ARID1B: variants seen among roughly 807,000 people sequenced by gnomAD.
The protein encoded by ARID1B is AT-rich interaction domain 1B, also known as AT-rich interactive domain-containing protein 1B.
ARID1B carries 30 observed loss-of-function variants against 212.3 expected under a neutral mutation model. That is an observed-to-expected ratio of 0.14 (90% CI 0.11 to 0.19). The LOEUF (loss-of-function observed/expected upper bound fraction) is 0.19. Among genes scored for constraint, ARID1B ranks in the 10% least tolerant of loss-of-function variants. The pLI, the probability that ARID1B is intolerant of heterozygous loss-of-function variation, is 1.00. For missense variants in ARID1B, 2,891 were observed against 3,204.0 expected, an observed-to-expected ratio of 0.90 and a Z score of 2.36; for synonymous variants, 1,402 against 1,301.7, an observed-to-expected ratio of 1.08 and a Z score of -1.66.
At chr6:156,948,569 T>G (rs1007554376) in intron 4 of ARID1B, among the ~76,000 whole-genome samples, 2 of 152,228 alleles carry the variant, frequency 1.3e-5, no homozygotes, top group Admixed American at 6.5e-5. Context: ...TATGCCTTTC[T>G]TTAGCCAGCA....
intron 8 of ARID1B, chr6:157,150,875 C>T: frequency 5.6e-6 from 1 of 178,566 alleles, no homozygotes; most frequent in East Asian, 9.3e-5. Context: ...CACACCCCGA[C>T]TTGCTGCGGG....
At chr6:157,101,214 C>G (rs1194646890) in intron 5 of ARID1B, among the ~76,000 whole-genome samples, 2 of 152,148 alleles carry the variant, frequency 1.3e-5, no homozygotes, top group Admixed American at 6.5e-5. Flanking sequence ...ATGACACCAC[C>G]AAGAATTCTT....
chr6:156,779,145 G>T lies in ARID1B; in HGVS notation c.1465G>T (p.Ala489Ser). Residue 489 changes from alanine to serine, a missense_variant, in exon 1 of 20, where the codon GCC becomes TCC. By Grantham distance (99) the Ala-to-Ser change is moderately conservative (BLOSUM62 1). This residue lies in a region of ARID1B where 1,643 missense variants were observed against 1,544.0 expected (regional missense o/e 1.06). Coordinates refer to ENST00000636930, the MANE Select transcript of ARID1B (RefSeq NM_001374828.1). ...GSAAGGFQRF[A>S]GQNQHPSGAT... is the part of the protein sequence containing the mutation. ...GGCGGCGGGGGGCTTCCAGCGCTTCGCCGGCCAGAACCAGCACCCGTCGGG... is the reference window on the plus strand; with the variant it reads ...GGCGGCGGGGGGCTTCCAGCGCTTCTCCGGCCAGAACCAGCACCCGTCGGG... The T allele has an allele frequency of 1.6e-6, 2 of 1,278,712 alleles. No individual in the cohort carries two copies. Among genetic ancestry groups the T allele is most frequent in the South Asian group, 2.3e-5 (1 of 44,286 alleles). 79.2% of individuals were successfully genotyped at this position (1,278,712 alleles called of 1,614,324 possible). A position where few individuals can be genotyped will look rare whatever the true frequency, so the allele number is the denominator to read the frequency against.
intron 8 of ARID1B, chr6:157,149,186 G>A (rs968353062): frequency 4.3e-5 from 23 of 536,662 alleles, no homozygotes; most frequent in Non-Finnish European, 6.3e-5. Context: ...CACATCAGTC[G>A]TGGGAGGTGA....
chr6:157,040,449 A>G (rs1313161449), intron 4 of ARID1B, among the ~76,000 whole-genome samples: 1 of 152,156 alleles, frequency 6.6e-6, no homozygotes, highest in Admixed American at 6.5e-5. Context: ...CGCTCCTTTT[A>G]GTGATGATCT....
intron 1 of ARID1B, among the ~76,000 whole-genome samples, chr6:156,781,059 T>G (rs1325782069): frequency 6.6e-6 from 1 of 152,196 alleles, no homozygotes; most frequent in African/African-American, 2.4e-5. Context: ...TAAACAAGAT[T>G]TAAGCTTCAT....
At chr6:157,197,849 A>G (rs371612474) in intron 16 of ARID1B, among the ~76,000 whole-genome samples, 1 of 152,308 alleles carries the variant, frequency 6.6e-6, no homozygotes, top group East Asian at 1.9e-4. Context: ...CTTAAATTTT[A>G]CCCATGTCAA....
intron 2 of ARID1B, among the ~76,000 whole-genome samples, chr6:156,898,766 G>C (rs756383206): frequency 3.3e-5 from 5 of 152,190 alleles, no homozygotes; most frequent in Admixed American, 6.5e-5. Flanking sequence ...GAGGTCGGGA[G>C]TTTGAGACCA....
intron 1 of ARID1B, chr6:156,780,400 A>T (rs1230752221): frequency 1.3e-5 from 2 of 152,182 alleles, no homozygotes; most frequent in African/African-American, 2.4e-5. Context: ...CGCTGTTAGG[A>T]AGTGTCCTGC....
chr6:157,058,447 TA>T (rs1021023900), intron 4 of ARID1B, among the ~76,000 whole-genome samples: 5 of 152,106 alleles, frequency 3.3e-5, no homozygotes, highest in African/African-American at 1.2e-4. Flanking sequence ...GTATTTTTAA[TA>T]GAGACAGGGT....
At chr6:157,070,806 A>G (rs1179105667) in intron 4 of ARID1B, among the ~76,000 whole-genome samples, 1 of 152,254 alleles carries the variant, frequency 6.6e-6, no homozygotes. Context: ...TGAACCTGTA[A>G]GAAGCCCATA....
chr6:156,897,276 A>ATTG (rs1788552981), intron 2 of ARID1B, among the ~76,000 whole-genome samples: 2 of 108,794 alleles, frequency 1.8e-5, no homozygotes, highest in Admixed American at 1.9e-4. Context: ...TATTATTATT[A>ATTG]TTATTATTAT....
At chr6:157,010,297 T>TG (rs1779506878) in intron 4 of ARID1B, among the ~76,000 whole-genome samples, 1 of 146,796 alleles carries the variant, frequency 6.8e-6, no homozygotes, top group African/African-American at 2.5e-5. Context: ...TTTTTTTTTT[T>TG]TTTTTTTGTT....
At chr6:156,794,570 C>CTTTT (rs34848808) in intron 1 of ARID1B, among the ~76,000 whole-genome samples, 1 of 67,978 alleles carries the variant, frequency 1.5e-5, no homozygotes, top group Non-Finnish European at 2.6e-5. Context: ...CTGGCACATT[C>CTTTT]TTTTTTTTTT....
chr6:156,899,594 G>A (rs146776076), intron 2 of ARID1B, among the ~76,000 whole-genome samples: 2 of 152,148 alleles, frequency 1.3e-5, no homozygotes, highest in South Asian at 2.1e-4. Flanking sequence ...TCTTAGCTGC[G>A]CCCACCTATC....
At chr6:156,980,971 TTTG>T (rs1320778221) in intron 4 of ARID1B, among the ~76,000 whole-genome samples, 2 of 152,350 alleles carry the variant, frequency 1.3e-5, no homozygotes, top group South Asian at 4.1e-4. Flanking sequence ...TAGTGTTTAT[TTTG>T]TTGTTTACAT....
chr6:157,004,897 C>CTTTTTTGTTTTT lies in ARID1B; in HGVS notation c.2247+69327_2247+69328insGTTTTTTTTTTT, dbSNP rs1562542228. On this transcript the variant is annotated intron_variant, in intron 4 of 19. Transcript: ENST00000636930. ...TTTTTTCTTTTTCTTCTTCTTTTTT[C>CTTTTTTGTTTTT]TTTTTTTTTTTTTTTTTTTTTTTTT... 6.2e-4 allele frequency among the ~76,000 whole-genome samples: 34 copies of CTTTTTTGTTTTT among 54,738 alleles called. 2 individuals are homozygous for CTTTTTTGTTTTT. Among genetic ancestry groups the CTTTTTTGTTTTT allele is most frequent in the Admixed American group, 1.1e-3 (5 of 4,372 alleles). The allele number at this position is 54,738 out of a possible 152,430, so 35.9% of individuals were successfully genotyped here.
At chr6:157,112,394 T>C (rs1181238519) in intron 6 of ARID1B, among the ~76,000 whole-genome samples, 1 of 152,206 alleles carries the variant, frequency 6.6e-6, no homozygotes, top group Non-Finnish European at 1.5e-5. Flanking sequence ...GCACCTGTGT[T>C]GTATTGTTGG....
At chr6:157,163,904 G>A (rs1210932262) in intron 8 of ARID1B, among the ~76,000 whole-genome samples, 1 of 152,252 alleles carries the variant, frequency 6.6e-6, no homozygotes, top group Non-Finnish European at 1.5e-5. Context: ...CGCACTGATA[G>A]TAGGTTTGGG....
Sources: allele counts gnomAD v4.1 joint callset (sites outside exome capture counted in the v4.1 genomes callset), GRCh38; gene constraint gnomAD v4.1.1; regional missense constraint gnomAD v4.1.1; transcripts MANE v1.5; gene names NCBI Gene and HGNC (gene_info 2026-07-23, HGNC 2026-07-21).